Variants in MSRA observed in about 807,000 individuals in gnomAD.
The protein encoded by MSRA is methionine sulfoxide reductase A.
A neutral mutation model predicts 31.3 loss-of-function variants in MSRA; 54 were observed. The ratio of observed to expected loss-of-function variants is 1.73; its 90% confidence interval spans 1.39 to 2.17. The LOEUF (loss-of-function observed/expected upper bound fraction) is 2.17, where lower values mean the gene tolerates loss of function less well. Ranked by LOEUF, MSRA falls within the 30% of genes most tolerant of loss-of-function variation. MSRA has a pLI of 0.00. For missense variants in MSRA, 507 were observed against 300.9 expected (o/e 1.69, Z -5.07); for synonymous variants, 169 against 116.5 (o/e 1.45, Z -2.90).
chr8:10,267,363 C>G (rs1278655258), intron 3 of MSRA, among the ~76,000 whole-genome samples: 1 of 152,134 alleles, frequency 6.6e-6, no homozygotes. Flanking sequence ...GGGAGAGCAA[C>G]TCGTGGAGGG....
At chr8:10,298,869 A>G (rs1028635770) in intron 3 of MSRA, among the ~76,000 whole-genome samples, 4 of 152,122 alleles carry the variant, frequency 2.6e-5, no homozygotes, top group African/African-American at 4.8e-5. Flanking sequence ...TTGTGCATGT[A>G]TATATCTTTT....
At chr8:10,092,247 C>A (rs1367154237) in intron 1 of MSRA, among the ~76,000 whole-genome samples, 1 of 151,778 alleles carries the variant, frequency 6.6e-6, no homozygotes, top group Non-Finnish European at 1.5e-5. Flanking sequence ...GTATTGAGTT[C>A]TACTTTTATT....
chr8:10,365,105 G>A (rs77525095), intron 5 of MSRA, among the ~76,000 whole-genome samples: 4,974 of 136,402 alleles, frequency 0.036, 140 homozygotes, highest in Non-Finnish European at 0.055. Context: ...TCTCTGTGCT[G>A]ACTTCTAAGG....
chr8:10,403,567 A>AG (rs1360790414), intron 5 of MSRA, among the ~76,000 whole-genome samples: 2 of 152,202 alleles, frequency 1.3e-5, no homozygotes, highest in Non-Finnish European at 2.9e-5. Context: ...CTGAAGAGGA[A>AG]GGCAGGCCAT....
intron 2 of MSRA, among the ~76,000 whole-genome samples, chr8:10,231,596 G>C (rs1430541791): frequency 6.6e-6 from 1 of 152,208 alleles, no homozygotes; most frequent in African/African-American, 2.4e-5. Context: ...TATATAGAAA[G>C]AGGCTGCTCT....
chr8:10,126,878 G>T (rs932721355), intron 1 of MSRA, among the ~76,000 whole-genome samples: 2 of 152,184 alleles, frequency 1.3e-5, no homozygotes, highest in Admixed American at 6.5e-5. Flanking sequence ...AATAGGGTTC[G>T]CACTCCTATG....
chr8:10,115,188 C>G (rs1049582253), intron 1 of MSRA, among the ~76,000 whole-genome samples: 3 of 152,220 alleles, frequency 2.0e-5, no homozygotes. Flanking sequence ...AGTTATATCC[C>G]TGTCTCACAT....
chr8:10,373,019 A>G lies in MSRA; in HGVS notation c.543+53030A>G, dbSNP rs144161894. Among the ~76,000 whole-genome samples, 999 of 152,290 alleles carry G rather than the reference A, an allele frequency of 6.6e-3. 9 individuals are homozygous for G. The highest frequency in any genetic ancestry group is 0.022 in the African/African-American group (906 of 41,562). Reference sequence around the variant, plus strand: ...ATTCTCCTGCCTCAGCCTCCCAAGTAGCTGGGATTACAGGCATGGCATTTA... The same window carrying G: ...ATTCTCCTGCCTCAGCCTCCCAAGTGGCTGGGATTACAGGCATGGCATTTA... On this transcript the variant is annotated intron_variant, in intron 5 of 5. Coordinates refer to ENST00000317173, the MANE Select transcript of MSRA (RefSeq NM_012331.5).
At chr8:10,227,205 T>C (rs1811074828) in intron 2 of MSRA, among the ~76,000 whole-genome samples, 1 of 152,100 alleles carries the variant, frequency 6.6e-6, no homozygotes, top group African/African-American at 2.4e-5. Flanking sequence ...ACGAGGCCCG[T>C]GGAGTTACCA....
chr8:10,066,296 T>G (rs1158475531), intron 1 of MSRA, among the ~76,000 whole-genome samples: 1 of 152,156 alleles, frequency 6.6e-6, no homozygotes. Flanking sequence ...CAACTTTGTA[T>G]TTTTGCTCAA....
At chr8:10,301,449 G>T in intron 3 of MSRA, 85 bp from the exon 4 acceptor site, 9 of 1,011,704 alleles carry the variant, frequency 8.9e-6, no homozygotes, top group Non-Finnish European at 1.2e-5. Context: ...TTCAGCTTTT[G>T]TCTGTTGTTT....
intron 1 of MSRA, among the ~76,000 whole-genome samples, chr8:10,181,107 C>CA (rs1806497449): frequency 6.6e-6 from 1 of 152,144 alleles, no homozygotes; most frequent in Non-Finnish European, 1.5e-5. Context: ...CTACAGCTCC[C>CA]AGTAAATACT....
intron 1 of MSRA, among the ~76,000 whole-genome samples, chr8:10,100,864 C>T (rs1344633015): frequency 6.6e-6 from 1 of 152,122 alleles, no homozygotes; most frequent in African/African-American, 2.4e-5. Context: ...AATTAGAATA[C>T]CCCTTATGTG....
chr8:10,155,746 A>G (rs1293856200), intron 1 of MSRA, among the ~76,000 whole-genome samples: 1 of 152,200 alleles, frequency 6.6e-6, no homozygotes, highest in Non-Finnish European at 1.5e-5. Flanking sequence ...CATGGATTAT[A>G]AGTACATTAA....
intron 1 of MSRA, among the ~76,000 whole-genome samples, chr8:10,145,388 A>G (rs1393216079): frequency 6.6e-6 from 1 of 152,206 alleles, no homozygotes; most frequent in East Asian, 1.9e-4. Context: ...ATGATTTTCA[A>G]GTGTGTTTAA....
chr8:10,262,290 C>A (rs1043753087), intron 3 of MSRA, among the ~76,000 whole-genome samples: 3 of 152,198 alleles, frequency 2.0e-5, no homozygotes, highest in African/African-American at 7.2e-5. Context: ...TTAGCTTTGC[C>A]ATAAATTGTC....
chr8:10,282,695 A>G (rs1421578943), intron 3 of MSRA, among the ~76,000 whole-genome samples: 2 of 152,190 alleles, frequency 1.3e-5, no homozygotes, highest in Admixed American at 6.5e-5. Context: ...TGTATTCAGT[A>G]TACCTCCAGA....
chr8:10,404,234 A>T (rs1807650926), intron 5 of MSRA, among the ~76,000 whole-genome samples: 1 of 152,084 alleles, frequency 6.6e-6, no homozygotes, highest in South Asian at 2.1e-4. Flanking sequence ...TCCTCCACAA[A>T]TAGCAAGGCA....
intron 5 of MSRA, among the ~76,000 whole-genome samples, chr8:10,338,993 C>G (rs1462690506): frequency 6.6e-6 from 1 of 152,178 alleles, no homozygotes; most frequent in African/African-American, 2.4e-5. Flanking sequence ...CAGTCCTTGC[C>G]AAACTGCATT....
Sources: gnomAD v4.1 joint callset for allele counts (sites outside exome capture counted in the v4.1 genomes callset) on GRCh38, gnomAD v4.1.1 for gene constraint, MANE v1.5 for transcripts, NCBI Gene and HGNC (gene_info 2026-07-23, HGNC 2026-07-21) for gene names.